TM9SF3: variants seen among roughly 807,000 people sequenced by gnomAD.
TM9SF3 encodes SM-11044-binding protein.
Under a neutral mutation model 78.6 loss-of-function variants are expected in TM9SF3, and 14 were observed. The ratio of observed to expected loss-of-function variants is 0.18; its 90% CI spans 0.12 to 0.28. The LOEUF is 0.28. TM9SF3 is among the 10% of genes least tolerant of loss of function. The probability of loss-of-function intolerance (pLI) is 1.00; values close to 1 mark genes in which losing one functional copy is unlikely to be tolerated. For missense variants in TM9SF3, 496 were observed against 721.9 expected (o/e 0.69, Z 3.59); for synonymous variants, 231 against 241.7 (o/e 0.96, Z 0.41).
chr10:96,580,264 T>TTGTGTG lies in TM9SF3; in HGVS notation c.103-3441_103-3436dup, dbSNP rs34141133. ...CTTCCTCCCCTTTTCTGCTTCATCT[T>TTGTGTG]TGTGTGTGTGTGTGTGTGTGAGACG... On this transcript the variant is annotated intron_variant, in intron 1 of 14. Coordinates refer to ENST00000371142, the MANE Select transcript of TM9SF3 (RefSeq NM_020123.4). Among the ~76,000 whole-genome samples the TTGTGTG allele has an allele frequency of 5.3e-5, 8 of 150,806 alleles. No individual in the cohort carries two copies. The South Asian group carries it at 6.3e-4, about 12-fold the overall frequency.
At chr10:96,543,872 A>G (rs1848065385) in intron 9 of TM9SF3, 2 of 307,858 alleles carry the variant, frequency 6.5e-6, no homozygotes, top group Non-Finnish European at 1.2e-5. Flanking sequence ...AAGAAAAAAT[A>G]AAAAGCCAAC....
intron 1 of TM9SF3, among the ~76,000 whole-genome samples, chr10:96,583,553 G>A (rs1323820088): frequency 6.6e-6 from 1 of 152,056 alleles, no homozygotes; most frequent in Non-Finnish European, 1.5e-5. Context: ...GCATATGGCG[G>A]CTCACAGTGC....
chr10:96,528,490 T>C (rs1847862620), intron 11 of TM9SF3, among the ~76,000 whole-genome samples: 1 of 152,112 alleles, frequency 6.6e-6, no homozygotes, highest in South Asian at 2.1e-4. Flanking sequence ...AAAAAATCCG[T>C]ATTTGTATCC....
intron 4 of TM9SF3, chr10:96,560,244 T>G: frequency 1.1e-6 from 1 of 901,388 alleles, no homozygotes; most frequent in Non-Finnish European, 1.8e-6. Context: ...ATCTTTTCAG[T>G]TGTGAACTAA....
intron 2 of TM9SF3, among the ~76,000 whole-genome samples, chr10:96,570,232 T>A (rs1848424818): frequency 6.6e-6 from 1 of 152,216 alleles, no homozygotes; most frequent in Non-Finnish European, 1.5e-5. Context: ...TATATAAGGA[T>A]TTGTTAAATA....
intron 4 of TM9SF3, chr10:96,560,268 T>A (rs1215745033): frequency 1.9e-5 from 15 of 782,552 alleles, no homozygotes; most frequent in Middle Eastern, 3.6e-4. Flanking sequence ...CCAACAAAGA[T>A]GATCACTTTA....
At chr10:96,565,544 C>T in intron 2 of TM9SF3, 118 bp from the exon 3 acceptor site, 1 of 1,165,564 alleles carries the variant, frequency 8.6e-7, no homozygotes, top group South Asian at 1.6e-5. Flanking sequence ...TTCACAATAG[C>T]TGAATCTGAG....
intron 9 of TM9SF3, among the ~76,000 whole-genome samples, chr10:96,539,353 G>A (rs1192351881): frequency 7.8e-6 from 1 of 128,262 alleles, no homozygotes; most frequent in East Asian, 2.2e-4. Flanking sequence ...GCAAGACCCA[G>A]TCTCAAAAAA....
At chr10:96,577,913 A>T (rs1848516273) in intron 1 of TM9SF3, among the ~76,000 whole-genome samples, 1 of 152,060 alleles carries the variant, frequency 6.6e-6, no homozygotes, top group South Asian at 2.1e-4. Flanking sequence ...CCTCCATCTA[A>T]AACTAGTTAA....
rs566706161 is a variant in TM9SF3, at chr10:96,518,810, A to C, written c.*3453T>G. The C allele has an allele frequency of 1.3e-5, 2 of 150,796 alleles. No homozygotes were observed. Among genetic ancestry groups the C allele is most frequent in the East Asian group, 3.9e-4 (2 of 5,130 alleles). 9.3% of individuals were successfully genotyped at this position (150,796 alleles called of 1,614,324 possible). ...GTACACACTTCCAAATACTCTTCAT[A>C]AATTTTCACTTCTGACTGAAATATA... On this transcript the variant is annotated 3_prime_UTR_variant, in exon 15 of 15. Coordinates refer to ENST00000371142, the MANE Select transcript of TM9SF3 (RefSeq NM_020123.4).
At chr10:96,525,451 G>A (rs1438637367) in intron 14 of TM9SF3, among the ~76,000 whole-genome samples, 1 of 151,910 alleles carries the variant, frequency 6.6e-6, no homozygotes, top group Non-Finnish European at 1.5e-5. Flanking sequence ...ATTTGTGTGT[G>A]CGCACACACA....
chr10:96,559,353 G>A (rs977699209), intron 5 of TM9SF3, among the ~76,000 whole-genome samples: 11 of 152,114 alleles, frequency 7.2e-5, no homozygotes, highest in Admixed American at 3.9e-4. Flanking sequence ...AGGCCAATGC[G>A]CTATTCATTG....
intron 13 of TM9SF3, 40 bp downstream of exon 13, chr10:96,527,373 T>C (rs1417740181): frequency 6.3e-7 from 1 of 1,593,728 alleles, no homozygotes; most frequent in Non-Finnish European, 8.6e-7. Flanking sequence ...AGGACAAATT[T>C]AGTTTCCTAA....
Position 96,533,049 on chromosome 10 carries a change from A to G in TM9SF3, c.1325+2T>C. 1 of 1,613,630 alleles carries G rather than the reference A, an allele frequency of 6.2e-7. No individual in the cohort carries two copies. Among genetic ancestry groups the G allele is most frequent in the Non-Finnish European group, 8.5e-7 (1 of 1,179,848 alleles). On this transcript the variant is annotated splice_donor_variant, in intron 10 of 14. Transcript: ENST00000371142. LOFTEE classifies it high-confidence loss of function. ...TCGCATAAGATTTAGCATTCTCTTT[A>G]CCATTTTTTCTCCGGTATAGGACGA...
At chr10:96,551,465 T>A in intron 6 of TM9SF3, 54 bp from the exon 7 acceptor site, 1 of 1,281,964 alleles carries the variant, frequency 7.8e-7, no homozygotes, top group Non-Finnish European at 1.0e-6. Context: ...AGAATCAAAC[T>A]AAAACATAGT....
intron 1 of TM9SF3, among the ~76,000 whole-genome samples, chr10:96,582,200 T>C (rs1034000949): frequency 2.0e-5 from 3 of 152,200 alleles, no homozygotes; most frequent in African/African-American, 7.2e-5. Context: ...TGCTCTAAGA[T>C]TCCTGTGCCC....
In TM9SF3 at chr10:96,586,778, G is replaced by A; in HGVS notation, c.58C>T (p.Leu20=). The A allele has an allele frequency of 7.8e-7, 1 of 1,288,864 alleles. No individual in the cohort carries two copies. The highest frequency in any genetic ancestry group is 3.3e-5 in the Admixed American group (1 of 29,990). 79.8% of individuals were successfully genotyped at this position (1,288,864 alleles called of 1,614,324 possible). A position where few individuals can be genotyped will look rare whatever the true frequency, so the allele number is the denominator to read the frequency against. The part of the protein sequence containing the change: ...VAAAAALWLL[L]LLLPRTRADE... ...GCCCGGGTCCGGGGCAGCAGCAGCA[G>A]CAGCAGCCACAGCGCGGCGGCCGCC... is the stretch of plus-strand genomic sequence containing the variant. Residue 20 remains leucine (L), a synonymous_variant, in exon 1 of 15, where the codon CTG becomes TTG. Transcript: ENST00000371142.
intron 14 of TM9SF3, among the ~76,000 whole-genome samples, chr10:96,525,462 T>C (rs1156036): frequency 6.6e-6 from 1 of 151,852 alleles, no homozygotes; most frequent in Non-Finnish European, 1.5e-5. Context: ...CGCACACACA[T>C]GATCACATAC....
intron 2 of TM9SF3, 131 bp from the exon 3 acceptor site, chr10:96,565,557 A>G: frequency 4.8e-6 from 5 of 1,031,518 alleles, no homozygotes; most frequent in Non-Finnish European, 6.7e-6. Context: ...AATCTGAGTG[A>G]TAAATAAGTG....
Sources: allele counts gnomAD v4.1 joint callset (sites outside exome capture counted in the v4.1 genomes callset), GRCh38; gene constraint gnomAD v4.1.1; transcripts MANE v1.5; gene names NCBI Gene and HGNC (gene_info 2026-07-23, HGNC 2026-07-21).